The following SATB1 variants were observed in gnomAD, a reference collection of about 807,000 sequenced individuals.
The protein encoded by SATB1 is SATB homeobox 1, also known as DNA-binding protein SATB1.
SATB1 carries 11 observed loss-of-function variants against 86.9 expected under a neutral mutation model. The observed-to-expected ratio is 0.13, with a 90% confidence interval of 0.08 to 0.21. SATB1 has a LOEUF of 0.21. Among genes scored for constraint, SATB1 ranks in the 10% least tolerant of loss-of-function variants. SATB1 has a pLI of 1.00. For synonymous variants in SATB1, 357 were observed against 357.2 expected, an observed-to-expected ratio of 1.00 and a Z score of 0.01; for missense variants, 551 against 937.6, an observed-to-expected ratio of 0.59 and a Z score of 5.39.
chr3:18,353,800 A>T (rs1208723463), intron 9 of SATB1, among the ~76,000 whole-genome samples: 1 of 152,238 alleles, frequency 6.6e-6, no homozygotes, highest in Non-Finnish European at 1.5e-5. Flanking sequence ...TAAGCAGCTC[A>T]TCGTGACGAC....
Position 18,415,104 on chromosome 3 carries a change from T to G in SATB1, c.639+7A>C. 1 of 1,612,614 alleles carries G rather than the reference T, an allele frequency of 6.2e-7. No individual in the cohort carries two copies. The highest frequency in any genetic ancestry group is 8.5e-7 in the Non-Finnish European group (1 of 1,178,980). ...TCTTATTATTTATTACATTCTATGC[T>G]AAGTACCTGTGAAAGGGGGCACTCC... On this transcript the variant is annotated splice_region_variant and intron_variant, in intron 5 of 10. Coordinates refer to ENST00000338745, the MANE Select transcript of SATB1 (RefSeq NM_002971.6).
intron 6 of SATB1, among the ~76,000 whole-genome samples, chr3:18,395,872 G>A (rs185354118): frequency 6.6e-4 from 100 of 152,268 alleles, no homozygotes; most frequent in African/African-American, 2.2e-3. Context: ...AGACTGGTTC[G>A]ATGCTCTTGG....
At chr3:18,439,991 CAATA>C (rs1699194631), upstream of SATB1, among the ~76,000 whole-genome samples, 1 of 152,108 alleles carries the variant, frequency 6.6e-6, no homozygotes, top group African/African-American at 2.4e-5. Flanking sequence ...GCGAGTCAAT[CAATA>C]AATCAATCAA....
At chr3:18,439,088 G>T (rs1343432533), upstream of SATB1, among the ~76,000 whole-genome samples, 3 of 152,122 alleles carry the variant, frequency 2.0e-5, no homozygotes, top group African/African-American at 4.8e-5. Flanking sequence ...CTTAATTTTT[G>T]ATTACAAGCC....
intron 9 of SATB1, among the ~76,000 whole-genome samples, chr3:18,369,836 C>A (rs140906070): frequency 6.6e-6 from 1 of 152,164 alleles, no homozygotes; most frequent in Non-Finnish European, 1.5e-5. Context: ...TATTTCACAG[C>A]GTGTGTCAGA....
chr3:18,368,759 A>C (rs186538635), intron 9 of SATB1, among the ~76,000 whole-genome samples: 5 of 152,288 alleles, frequency 3.3e-5, no homozygotes, highest in Admixed American at 2.6e-4. Flanking sequence ...AAAGATATTT[A>C]AGTAGGCTAT....
At chr3:18,396,461 C>T (rs968790724) in intron 6 of SATB1, among the ~76,000 whole-genome samples, 1 of 152,088 alleles carries the variant, frequency 6.6e-6, no homozygotes, top group East Asian at 1.9e-4. Context: ...CTTTTGTGAA[C>T]ATTAACAAAC....
In SATB1 at chr3:18,352,217, G is replaced by A. The variant is rs1009746914; in HGVS notation, c.1576-22C>T. 3.1e-6 allele frequency: 5 copies of A among 1,609,468 alleles called. No individual in the cohort carries two copies. The African/African-American group carries it at 4.0e-5, about 13-fold the overall frequency. On this transcript the variant is annotated intron_variant, in intron 9 of 10. Transcript: ENST00000338745. This position sits in a 1 kb window ranked among gnomAD's most constrained non-coding sequence, Gnocchi z 4.1. ...ATCCCTTAGAGACAAGGGCATAATA[G>A]GTCAGTTTGTGCCTATGAGAGGGGC...
chr3:18,350,075 CAA>C (rs1694277060), intron 10 of SATB1: 2 of 188,824 alleles, frequency 1.1e-5, no homozygotes, highest in Admixed American at 1.1e-4. Flanking sequence ...GAAAGGATTT[CAA>C]AGACATTTCA....
chr3:18,420,565 C>A (rs1698328288), intron 2 of SATB1, 192 bp downstream of exon 2: 2 of 594,964 alleles, frequency 3.4e-6, no homozygotes, highest in Non-Finnish European at 6.0e-6. Context: ...GTAGAACGCT[C>A]CACCCAAGCA....
rs376752262 is a variant in SATB1 at position 18,373,611 on chromosome 3, C to T, written c.1575+4559G>A. Reference sequence around the variant, plus strand: ...ACATCCATTACCATGTGAGAATTTCCAAACCTAAAGGTCAGAATGACGTTT... The same window carrying T: ...ACATCCATTACCATGTGAGAATTTCTAAACCTAAAGGTCAGAATGACGTTT... On this transcript the variant is annotated intron_variant, in intron 9 of 10. Transcript: ENST00000338745. Among the ~76,000 whole-genome samples, 6 of 152,134 alleles carry T rather than the reference C, an allele frequency of 3.9e-5. No homozygotes were observed. In the East Asian group the frequency reaches 7.7e-4, roughly 20 times the overall value.
At chr3:18,445,476 G>C in intron 1 of SATB1, 1 of 985,330 alleles carries the variant, frequency 1.0e-6, no homozygotes, top group Non-Finnish European at 1.2e-6. Flanking sequence ...CGCTTGGGGT[G>C]CGCGGCGCGG....
chr3:18,390,886 A>C (rs1404582883), intron 7 of SATB1, among the ~76,000 whole-genome samples: 1 of 152,186 alleles, frequency 6.6e-6, no homozygotes, highest in Non-Finnish European at 1.5e-5. Flanking sequence ...AATAGCAATA[A>C]GATAGAGAAG....
At chr3:18,445,219 C>G (rs1699359446) in intron 1 of SATB1, 1 of 981,548 alleles carries the variant, frequency 1.0e-6, no homozygotes, top group African/African-American at 1.8e-5. Flanking sequence ...GCTTCTCCCC[C>G]TGGCGGTGGG....
At chr3:18,423,120 A>G (rs1290142385) in intron 1 of SATB1, among the ~76,000 whole-genome samples, 3 of 152,204 alleles carry the variant, frequency 2.0e-5, no homozygotes, top group East Asian at 3.8e-4. Context: ...AACCTCCAAC[A>G]GGCCTGCTTG....
chr3:18,410,063 C>T (rs1371593308), intron 5 of SATB1, among the ~76,000 whole-genome samples: 14 of 152,024 alleles, frequency 9.2e-5, no homozygotes, highest in African/African-American at 2.9e-4. Flanking sequence ...TCTTCTGGAA[C>T]GTCCCAAATA....
intron 5 of SATB1, among the ~76,000 whole-genome samples, chr3:18,414,384 CTCTA>C (rs1362369217): frequency 5.3e-5 from 8 of 151,832 alleles, no homozygotes; most frequent in Non-Finnish European, 1.2e-4. Flanking sequence ...GGTAGGCAGT[CTCTA>C]TCTAGAGTTT....
At chr3:18,416,760 C>A in intron 3 of SATB1, 142 bp downstream of exon 3, 3 of 796,764 alleles carry the variant, frequency 3.8e-6, no homozygotes, top group South Asian at 2.4e-5. Flanking sequence ...TGAATTAAGC[C>A]AATTTTTTAA....
At chr3:18,389,334 T>C (rs987068523) in intron 7 of SATB1, among the ~76,000 whole-genome samples, 2 of 150,248 alleles carry the variant, frequency 1.3e-5, no homozygotes, top group Non-Finnish European at 1.5e-5. Context: ...CTTGAAAATA[T>C]TGTCAGAAAA....
Sources: gnomAD v4.1 joint callset for allele counts (sites outside exome capture counted in the v4.1 genomes callset) on GRCh38, gnomAD v4.1.1 for gene constraint, Gnocchi (gnomAD v3.1) non-coding constraint, MANE v1.5 for transcripts, NCBI Gene and HGNC (gene_info 2026-07-23, HGNC 2026-07-21) for gene names.